Variants in MEI4 observed in about 807,000 individuals in gnomAD.
The protein encoded by MEI4 is meiosis-specific protein MEI4.
A neutral mutation model predicts 31.4 loss-of-function variants in MEI4; 27 were observed. The ratio of observed to expected loss-of-function variants is 0.86; its 90% CI spans 0.63 to 1.19. The LOEUF (loss-of-function observed/expected upper bound fraction) is 1.19, where lower values mean the gene tolerates loss of function less well. MEI4 is among the 50% of genes most tolerant of loss of function. The pLI, the probability that MEI4 is intolerant of heterozygous loss-of-function variation, is 0.00. For synonymous variants in MEI4, 122 were observed against 145.4 expected (o/e 0.84, Z 1.16); for missense variants, 329 against 398.9 (o/e 0.82, Z 1.49).
intron 4 of MEI4, among the ~76,000 whole-genome samples, chr6:77,856,778 C>T (rs1363128594): frequency 6.6e-6 from 1 of 152,028 alleles, no homozygotes. Context: ...ATCCACCGAC[C>T]TAAGCACTCT....
chr6:77,900,651 T>C (rs1266892903), intron 4 of MEI4, among the ~76,000 whole-genome samples: 2 of 152,000 alleles, frequency 1.3e-5, no homozygotes, highest in African/African-American at 4.8e-5. Context: ...ATGCTGGTAA[T>C]TGGAGACTGA....
chr6:77,890,950 G>A (rs7764157), intron 4 of MEI4, among the ~76,000 whole-genome samples: 17 of 152,238 alleles, frequency 1.1e-4, no homozygotes, highest in Admixed American at 2.6e-4. Context: ...GCCTCCTCAG[G>A]CCTGCAGAAC....
At chr6:77,888,454 C>T (rs184456032) in intron 4 of MEI4, among the ~76,000 whole-genome samples, 6 of 151,328 alleles carry the variant, frequency 4.0e-5, no homozygotes, top group Non-Finnish European at 8.8e-5. Flanking sequence ...TAATATCTTC[C>T]TGTTTCCATG....
At chr6:77,657,842 T>C (rs1262366584) in intron 1 of MEI4, among the ~76,000 whole-genome samples, 1 of 152,246 alleles carries the variant, frequency 6.6e-6, no homozygotes, top group Admixed American at 6.5e-5. Flanking sequence ...CTTTTGCCTC[T>C]CTGAGTTCCC....
At chr6:77,907,519 T>A (rs1428395779) in intron 4 of MEI4, among the ~76,000 whole-genome samples, 1 of 152,210 alleles carries the variant, frequency 6.6e-6, no homozygotes, top group African/African-American at 2.4e-5. Context: ...TGCCACATTT[T>A]CTTAATCCAG....
intron 2 of MEI4, among the ~76,000 whole-genome samples, chr6:77,728,814 C>T (rs1453056833): frequency 6.6e-6 from 1 of 152,176 alleles, no homozygotes; most frequent in African/African-American, 2.4e-5. Flanking sequence ...AGAGAGGAGA[C>T]AGAGGAAACA....
At chr6:77,893,556 A>C (rs1766015688) in intron 4 of MEI4, among the ~76,000 whole-genome samples, 1 of 152,210 alleles carries the variant, frequency 6.6e-6, no homozygotes, top group South Asian at 2.1e-4. Flanking sequence ...TAAGGCCTAA[A>C]GTATACAAAG....
At chr6:77,715,720 C>G (rs566729787) in intron 2 of MEI4, among the ~76,000 whole-genome samples, 1 of 152,162 alleles carries the variant, frequency 6.6e-6, no homozygotes, top group Non-Finnish European at 1.5e-5. Flanking sequence ...TATGGAATCA[C>G]GTATGTCTCC....
Position 77,740,186 on chromosome 6 carries a change from C to A in MEI4, c.233-20944C>A, listed in dbSNP as rs144357915. Among the ~76,000 whole-genome samples, 213 of 152,186 alleles carry A rather than the reference C, an allele frequency of 1.4e-3. 1 individual carries two copies. The highest frequency in any genetic ancestry group is 4.5e-3 in the African/African-American group (187 of 41,514). ...GAGAATGGCTGTTATGATTTCAGTT[C>A]TTCTGCATTTGCTGAGGAGTTTTTT... On this transcript the variant is annotated intron_variant, in intron 2 of 4. Transcript: ENST00000684080.
intron 3 of MEI4, among the ~76,000 whole-genome samples, chr6:77,793,352 G>A (rs1768990397): frequency 6.6e-6 from 1 of 152,186 alleles, no homozygotes; most frequent in South Asian, 2.1e-4. Flanking sequence ...AAAAGCTGCA[G>A]TAGTTCATAA....
chr6:77,727,958 A>G (rs1766868779), intron 2 of MEI4, among the ~76,000 whole-genome samples: 1 of 152,220 alleles, frequency 6.6e-6, no homozygotes, highest in Non-Finnish European at 1.5e-5. Context: ...TCTCTATCAG[A>G]CTAATCAATG....
Position 77,761,627 on chromosome 6 carries a change from C to G in MEI4, c.730C>G (p.Leu244Val), listed in dbSNP as rs1768047821. The G allele has an allele frequency of 1.6e-6, 2 of 1,231,732 alleles. No homozygotes were observed. Among genetic ancestry groups the G allele is most frequent in the Non-Finnish European group, 2.0e-6 (2 of 987,690 alleles). The allele number at this position is 1,231,732 out of a possible 1,614,324, so 76.3% of individuals were successfully genotyped here. A position where few individuals can be genotyped will look rare whatever the true frequency, so the allele number is the denominator to read the frequency against. The change falls in exon 3 of 5, where the codon CTA becomes GTA. Residue 244 changes from leucine to valine, a missense_variant. Transcript: ENST00000684080. ...SKKLEEFEKT[L>V]LHAILGNNHI... The stretch of plus-strand genomic sequence containing the variant: ...GAAGTTGGAAGAATTTGAGAAAACC[C>G]TACTACATGCTATTTTAGGAAACAA...
At chr6:77,796,306 C>T (rs1378843661) in intron 3 of MEI4, among the ~76,000 whole-genome samples, 1 of 152,124 alleles carries the variant, frequency 6.6e-6, no homozygotes, top group Non-Finnish European at 1.5e-5. Context: ...ACCTCAGGAA[C>T]AGAACAGGGT....
chr6:77,874,734 C>T (rs919250145), intron 4 of MEI4, among the ~76,000 whole-genome samples: 19 of 152,162 alleles, frequency 1.2e-4, no homozygotes, highest in Admixed American at 1.3e-4. Context: ...ATGATATTGG[C>T]TGTGGGTTTG....
intron 4 of MEI4, among the ~76,000 whole-genome samples, chr6:77,900,776 T>C (rs1766170735): frequency 6.6e-6 from 1 of 152,016 alleles, no homozygotes; most frequent in Non-Finnish European, 1.5e-5. Context: ...TATATACTTA[T>C]TGTCATTAAC....
At chr6:77,844,603 T>G (rs890222798) in intron 4 of MEI4, among the ~76,000 whole-genome samples, 5 of 152,196 alleles carry the variant, frequency 3.3e-5, no homozygotes, top group Non-Finnish European at 7.3e-5. Context: ...AAACATTAAA[T>G]GAATATTCAG....
intron 1 of MEI4, among the ~76,000 whole-genome samples, chr6:77,661,805 GA>G: frequency 6.6e-6 from 1 of 152,168 alleles, no homozygotes; most frequent in East Asian, 1.9e-4. Context: ...TTGATAGGGG[GA>G]AGTTTCAGAG....
chr6:77,763,030 A>G (rs781763861), intron 3 of MEI4, among the ~76,000 whole-genome samples: 1 of 152,134 alleles, frequency 6.6e-6, no homozygotes, highest in Non-Finnish European at 1.5e-5. Flanking sequence ...TATAGTCCAT[A>G]TCAGAATTAC....
chr6:77,650,537 C>T (rs956446484), upstream of MEI4, among the ~76,000 whole-genome samples: 55 of 152,306 alleles, frequency 3.6e-4, 1 homozygote, highest in Non-Finnish European at 6.0e-4. Flanking sequence ...GCTCCCGTGC[C>T]CGCTTGAGGG....
Sources: gnomAD v4.1 joint callset for allele counts (sites outside exome capture counted in the v4.1 genomes callset) on GRCh38, gnomAD v4.1.1 for gene constraint, MANE v1.5 for transcripts, NCBI Gene and HGNC (gene_info 2026-07-23, HGNC 2026-07-21) for gene names.